The following CFAP54 variants were observed in gnomAD, a reference collection of about 807,000 sequenced individuals.
CFAP54 encodes the protein cilia- and flagella-associated protein 54.
CFAP54 carries 290 observed loss-of-function variants against 370.4 expected under a neutral mutation model. The ratio of observed to expected loss-of-function variants is 0.78; its 90% confidence interval spans 0.71 to 0.86. The LOEUF is 0.86. CFAP54 is among the 40% of genes least tolerant of loss of function. The pLI is 0.00. For missense variants in CFAP54, 3,399 were observed against 3,528.7 expected, an observed-to-expected ratio of 0.96 and a Z score of 0.93; for synonymous variants, 1,206 against 1,236.5, an observed-to-expected ratio of 0.98 and a Z score of 0.52.
At chr12:96,729,225 A>G (rs1042540216) in intron 50 of CFAP54, among the ~76,000 whole-genome samples, 20 of 152,174 alleles carry the variant, frequency 1.3e-4, no homozygotes, top group Non-Finnish European at 2.6e-4. Context: ...AGACAGGGAC[A>G]TTTAAGTCTG....
chr12:96,845,869 C>T (rs527947132), intron 66 of CFAP54, among the ~76,000 whole-genome samples: 7 of 152,330 alleles, frequency 4.6e-5, no homozygotes, highest in African/African-American at 1.7e-4. Flanking sequence ...AAACATGCTT[C>T]CTGGCTTAAG....
At chr12:96,773,173 C>T (rs1958480842) in intron 60 of CFAP54, among the ~76,000 whole-genome samples, 1 of 152,232 alleles carries the variant, frequency 6.6e-6, no homozygotes, top group South Asian at 2.1e-4. Context: ...CAATTCTAGG[C>T]TGTGTCCAGA....
At chr12:96,558,349 A>G (rs1008037398) in intron 17 of CFAP54, among the ~76,000 whole-genome samples, 52 of 152,148 alleles carry the variant, frequency 3.4e-4, no homozygotes, top group African/African-American at 1.3e-3. Flanking sequence ...AAGTCAGATT[A>G]TCCTTGTTTG....
intron 32 of CFAP54, among the ~76,000 whole-genome samples, chr12:96,642,442 T>A (rs944537932): frequency 3.3e-5 from 5 of 152,234 alleles, no homozygotes; most frequent in Admixed American, 6.5e-5. Context: ...AAATCTATCT[T>A]ATTGTCTATC....
intron 26 of CFAP54, among the ~76,000 whole-genome samples, chr12:96,612,067 G>T (rs1447925402): frequency 6.6e-6 from 1 of 152,092 alleles, no homozygotes; most frequent in African/African-American, 2.4e-5. Flanking sequence ...TCCTCAAGAA[G>T]AGCAACTCCA....
intron 50 of CFAP54, among the ~76,000 whole-genome samples, chr12:96,725,019 T>TA (rs2136616322): frequency 6.6e-6 from 1 of 152,334 alleles, no homozygotes; most frequent in South Asian, 2.1e-4. Flanking sequence ...GGCTCTGTTC[T>TA]GTTCCATTGA....
At chr12:96,546,739 G>A (rs1955644874) in intron 14 of CFAP54, among the ~76,000 whole-genome samples, 2 of 149,906 alleles carry the variant, frequency 1.3e-5, no homozygotes, top group Admixed American at 6.6e-5. Flanking sequence ...TGAGGCAGGA[G>A]AATCACCTGA....
At chr12:96,762,025 T>G (rs980677839) in intron 58 of CFAP54, among the ~76,000 whole-genome samples, 1 of 152,190 alleles carries the variant, frequency 6.6e-6, no homozygotes, top group East Asian at 1.9e-4. Flanking sequence ...CAAAAAAAAC[T>G]AAGGAGATTT....
Position 96,695,008 on chromosome 12 carries a change from G to A in CFAP54, c.6351+1200G>A, listed in dbSNP as rs187405729. 1.7e-4 allele frequency among the ~76,000 whole-genome samples: 26 copies of A among 151,898 alleles called. No individual in the cohort carries two copies. In the East Asian group the frequency reaches 4.1e-3, roughly 24 times the overall value. On this transcript the variant is annotated intron_variant, in intron 45 of 67. Transcript: ENST00000524981. ...TGCACTCCAGCCTGGGCGACAGGGC[G>A]AGACTCCGTGTCAAAAAAAACAAAA...
intron 1 of CFAP54, among the ~76,000 whole-genome samples, chr12:96,490,816 AAAC>A (rs1954874100): frequency 1.3e-5 from 2 of 150,344 alleles, no homozygotes; most frequent in African/African-American, 4.8e-5. Context: ...CAAGTTAACA[AAAC>A]ATATAAGAAT....
At chr12:96,874,417 G>C (rs985989235) in intron 67 of CFAP54, among the ~76,000 whole-genome samples, 1 of 152,102 alleles carries the variant, frequency 6.6e-6, no homozygotes, top group African/African-American at 2.4e-5. Context: ...GCTCCTGCTG[G>C]ACAATGGCAC....
At chr12:96,502,965 T>A (rs987781003) in intron 2 of CFAP54, among the ~76,000 whole-genome samples, 1 of 152,114 alleles carries the variant, frequency 6.6e-6, no homozygotes, top group Non-Finnish European at 1.5e-5. Context: ...GTTTTTTCTT[T>A]TATTTTCTCT....
At chr12:96,806,650 A>G (rs754152893) in intron 63 of CFAP54, among the ~76,000 whole-genome samples, 1 of 152,120 alleles carries the variant, frequency 6.6e-6, no homozygotes, top group East Asian at 1.9e-4. Flanking sequence ...GCAGAAGCCC[A>G]ATGATCAACT....
chr12:96,722,522 C>G (rs983075635), intron 50 of CFAP54, among the ~76,000 whole-genome samples: 12 of 152,096 alleles, frequency 7.9e-5, no homozygotes, highest in Non-Finnish European at 1.2e-4. Flanking sequence ...AAAGAGGTAA[C>G]TGGTGGACAA....
At chr12:96,766,606 C>G (rs930133852) in intron 60 of CFAP54, among the ~76,000 whole-genome samples, 1 of 152,168 alleles carries the variant, frequency 6.6e-6, no homozygotes, top group East Asian at 1.9e-4. Flanking sequence ...CAGACCATTT[C>G]ATTTCTCTCA....
chr12:96,749,957 G>T (rs1592741019), intron 55 of CFAP54, among the ~76,000 whole-genome samples: 1 of 152,146 alleles, frequency 6.6e-6, no homozygotes, highest in African/African-American at 2.4e-5. Context: ...ATATGGGTTG[G>T]CTGTATACCA....
intron 35 of CFAP54, among the ~76,000 whole-genome samples, chr12:96,650,667 A>C: frequency 6.6e-6 from 1 of 152,192 alleles, no homozygotes; most frequent in East Asian, 1.9e-4. Flanking sequence ...CAGGAAGGGC[A>C]TAGGGCATAT....
At chr12:96,843,604 G>A (rs753175812) in intron 66 of CFAP54, among the ~76,000 whole-genome samples, 1 of 152,158 alleles carries the variant, frequency 6.6e-6, no homozygotes, top group Non-Finnish European at 1.5e-5. Flanking sequence ...AGAGTTGGGC[G>A]ACTCTCCTTC....
intron 50 of CFAP54, among the ~76,000 whole-genome samples, chr12:96,734,867 A>G (rs4403845): frequency 0.48 from 73,436 of 151,920 alleles, 18,118 homozygotes; most frequent in South Asian, 0.54. Flanking sequence ...TACACCAACC[A>G]TACATAGAAA....
Sources: gnomAD v4.1 joint callset for allele counts (sites outside exome capture counted in the v4.1 genomes callset) on GRCh38, gnomAD v4.1.1 for gene constraint, MANE v1.5 for transcripts, NCBI Gene and HGNC (gene_info 2026-07-23, HGNC 2026-07-21) for gene names.